The following ARMCX4 variants were observed in gnomAD, a reference collection of about 807,000 sequenced individuals.
ARMCX4 encodes the protein armadillo repeat-containing X-linked protein 4.
ARMCX4 carries 3 observed loss-of-function variants against 34.7 expected under a neutral mutation model. The observed-to-expected ratio is 0.09, with a 90% confidence interval of 0.04 to 0.22. The LOEUF is 0.22. Ranked by LOEUF, ARMCX4 falls within the 10% of genes least tolerant of loss-of-function variation. The pLI, the probability that ARMCX4 is intolerant of heterozygous loss-of-function variation, is 1.00. For synonymous variants in ARMCX4, 513 were observed against 632.8 expected (o/e 0.81, Z 2.84); for missense variants, 1,448 against 1,720.8 (o/e 0.84, Z 2.81).
Position 101,490,340 on chromosome X carries a change from A to G in ARMCX4, c.1751A>G (p.Gln584Arg), listed in dbSNP as rs1556008377. ...TCTAAAGCCGGGACTAAGGCAGACC[A>G]GAGGGTCTGTGGTCAGCCCCTGGTT... ...ATSKAGTKADQRVCGQPLVVA... is the reference protein window; with the variant it reads ...ATSKAGTKADRRVCGQPLVVA... Residue 584 changes from glutamine to arginine, a missense_variant, in exon 6 of 6, where the codon CAG becomes CGG. Coordinates refer to ENST00000423738, the MANE Select transcript of ARMCX4 (RefSeq NM_001256155.3). 1 of 1,153,987 alleles carries G rather than the reference A, an allele frequency of 8.7e-7. No homozygotes were observed. Among genetic ancestry groups the G allele is most frequent in the Non-Finnish European group, 1.1e-6 (1 of 872,075 alleles).
chrX:101,442,603 A>C (rs1397737821), intron 2 of ARMCX4, among the ~76,000 whole-genome samples: 1 of 111,610 alleles, frequency 9.0e-6, no homozygotes, highest in Non-Finnish European at 1.9e-5. Context: ...CAAGGGTAGA[A>C]GAGATATGTT....
chrX:101,489,358 A>C lies in ARMCX4; in HGVS notation c.769A>C (p.Thr257Pro), dbSNP rs782498267. The C allele has an allele frequency of 3.5e-6, 4 of 1,155,113 alleles. No homozygotes were observed. In the Admixed American group the frequency reaches 7.7e-5, roughly 22 times the overall value. ...TCAGTCTGAGGCCAGGCCTGGTGCC[A>C]CAGTTGATGCTAGGGGAAATCCCAA... is the stretch of plus-strand genomic sequence containing the variant. The part of the protein sequence containing the change: ...KTQSEARPGA[T>P]VDARGNPNGM... Residue 257 changes from threonine (T) to proline (P), a missense_variant, in exon 6 of 6, where the codon ACA becomes CCA. Physicochemically the swap from Thr to Pro is conservative, Grantham distance 38 (BLOSUM62 -1). Around this residue, in one of 2 missense-constraint regions of ARMCX4, gnomAD observed 1,343 missense variants for 1,540.7 expected, o/e 0.87. Transcript: ENST00000423738.
intron 4 of ARMCX4, among the ~76,000 whole-genome samples, chrX:101,480,157 C>CACACACACAG (rs1556005160): frequency 4.7e-4 from 49 of 104,637 alleles, no homozygotes; most frequent in Admixed American, 3.9e-3. Flanking sequence ...CACACACACA[C>CACACACACAG]ACACACACAC....
At chrX:101,436,895 A>G (rs376511979) in intron 2 of ARMCX4, among the ~76,000 whole-genome samples, 25 of 111,841 alleles carry the variant, frequency 2.2e-4, no homozygotes, top group East Asian at 8.4e-4. Context: ...TGCATCTATT[A>G]AGATAATCAT....
At chrX:101,454,862 C>T (rs1555999876) in intron 4 of ARMCX4, among the ~76,000 whole-genome samples, 1 of 111,215 alleles carries the variant, frequency 9.0e-6, no homozygotes, top group Non-Finnish European at 1.9e-5. Flanking sequence ...GGCCCTCTTC[C>T]CAGGGTTGCA....
chrX:101,470,544 C>A (rs1254890113), intron 4 of ARMCX4, among the ~76,000 whole-genome samples: 21 of 111,460 alleles, frequency 1.9e-4, no homozygotes, highest in Non-Finnish European at 5.6e-5. Context: ...GTCTCAAACT[C>A]CTGAGCTCAA....
intron 2 of ARMCX4, 135 bp downstream of exon 2, chrX:101,486,227 T>C (rs1182781758): frequency 8.1e-5 from 9 of 111,376 alleles, no homozygotes; most frequent in African/African-American, 2.9e-4. Context: ...GCATTTTACT[T>C]ACCAAGCTTA....
intron 3 of ARMCX4, among the ~76,000 whole-genome samples, chrX:101,445,600 A>T (rs1258587429): frequency 8.9e-6 from 1 of 112,079 alleles, no homozygotes. Flanking sequence ...AGGGTGGAGG[A>T]ATAAAGTTGT....
At chrX:101,434,481 C>T (rs1035116064) in intron 2 of ARMCX4, among the ~76,000 whole-genome samples, 6 of 109,793 alleles carry the variant, frequency 5.5e-5, no homozygotes, top group East Asian at 2.9e-4. Flanking sequence ...CTCCTGACCT[C>T]GTGATCCGCC....
chrX:101,458,517 C>CCTTT (rs1388091413), intron 4 of ARMCX4, among the ~76,000 whole-genome samples: 1 of 103,107 alleles, frequency 9.7e-6, no homozygotes. Flanking sequence ...TATCCCCCCC[C>CCTTT]TTTTTTTTTT....
At chrX:101,430,748 A>G (rs1434839193) in intron 2 of ARMCX4, among the ~76,000 whole-genome samples, 1 of 111,812 alleles carries the variant, frequency 8.9e-6, no homozygotes, top group Non-Finnish European at 1.9e-5. Context: ...CATTCAACAG[A>G]TATTTGTTGA....
At chrX:101,479,304 CCACACACACA>C (rs34549014) in intron 4 of ARMCX4, among the ~76,000 whole-genome samples, 3,278 of 78,148 alleles carry the variant, frequency 0.042, 71 homozygotes, top group South Asian at 0.083. Flanking sequence ...ATAAAGAAAA[CCACACACACA>C]CACACACACA....
At chrX:101,463,617 T>C (rs1932714089) in intron 4 of ARMCX4, among the ~76,000 whole-genome samples, 1 of 112,100 alleles carries the variant, frequency 8.9e-6, no homozygotes, top group Non-Finnish European at 1.9e-5. Flanking sequence ...ACACTGGGGT[T>C]ATAGAAGTAA....
At chrX:101,437,534 C>CT (rs1381088724) in intron 2 of ARMCX4, among the ~76,000 whole-genome samples, 38 of 111,487 alleles carry the variant, frequency 3.4e-4, no homozygotes, top group African/African-American at 1.1e-3. Flanking sequence ...ATTCTTCTCT[C>CT]TTTTTTTCTT....
At chrX:101,505,494 C>T (rs1163746551) in intron 8 of ARMCX4, 4 of 111,360 alleles carry the variant, frequency 3.6e-5, no homozygotes, top group Admixed American at 2.9e-4. Flanking sequence ...GTCTAGAGCT[C>T]AGAATAAATG....
chrX:101,480,177 T>C (rs782000886), intron 4 of ARMCX4, among the ~76,000 whole-genome samples: 69 of 88,172 alleles, frequency 7.8e-4, no homozygotes, highest in Non-Finnish European at 1.1e-3. Context: ...CACACACACA[T>C]ATATATGCAA....
chrX:101,493,164 G>A lies in ARMCX4; in HGVS notation c.4575G>A (p.Gly1525=), dbSNP rs1158124198. The A allele has an allele frequency of 1.2e-5, 14 of 1,153,213 alleles. No individual in the cohort carries two copies. Among genetic ancestry groups the A allele is most frequent in the Non-Finnish European group, 1.5e-5 (13 of 872,317 alleles). Residue 1525 remains glycine (G), a synonymous_variant, in exon 6 of 6, where the codon GGG becomes GGA. Coordinates refer to ENST00000423738, the MANE Select transcript of ARMCX4 (RefSeq NM_001256155.3). The part of the protein sequence containing the change: ...GSQTNGGSWG[G]ASGQDVGGSR... ...AGACGAATGGAGGGTCTTGGGGTGGGGCTAGTGGCCAGGATGTTGGAGGGT... is the reference window on the plus strand; with the variant it reads ...AGACGAATGGAGGGTCTTGGGGTGGAGCTAGTGGCCAGGATGTTGGAGGGT...
intron 2 of ARMCX4, among the ~76,000 whole-genome samples, chrX:101,421,203 C>CAAAAAAA (rs545262345): frequency 2.6e-5 from 1 of 39,145 alleles, no homozygotes; most frequent in African/African-American, 8.5e-5. Context: ...AACTCTGTCT[C>CAAAAAAA]AAAAAAAAAA....
intron 2 of ARMCX4, among the ~76,000 whole-genome samples, chrX:101,432,838 G>GTA (rs1555992552): frequency 2.1e-5 from 2 of 96,478 alleles, no homozygotes; most frequent in African/African-American, 7.5e-5. Flanking sequence ...GTGTATATAT[G>GTA]TATACATATG....
Sources: allele counts gnomAD v4.1 joint callset (sites outside exome capture counted in the v4.1 genomes callset), GRCh38; gene constraint gnomAD v4.1.1; regional missense constraint gnomAD v4.1.1; transcripts MANE v1.5; gene names NCBI Gene and HGNC (gene_info 2026-07-23, HGNC 2026-07-21).